The following CMTM8 variants were observed in gnomAD, a reference collection of about 807,000 sequenced individuals.
CMTM8 encodes CKLF like MARVEL transmembrane domain containing 8.
CMTM8 carries 12 observed loss-of-function variants against 18.6 expected under a neutral mutation model. That is an observed-to-expected ratio of 0.65 (90% CI 0.41 to 1.05). The LOEUF is 1.05. Among genes scored for constraint, CMTM8 ranks in the 50% least tolerant of loss-of-function variants. The pLI, the probability that CMTM8 is intolerant of heterozygous loss-of-function variation, is 0.00. For synonymous variants in CMTM8, 87 were observed against 90.6 expected, an observed-to-expected ratio of 0.96 and a Z score of 0.23; for missense variants, 217 against 227.2, an observed-to-expected ratio of 0.95 and a Z score of 0.29.
chr3:32,261,641 G>A (rs1025167024), intron 1 of CMTM8, among the ~76,000 whole-genome samples: 14 of 152,144 alleles, frequency 9.2e-5, no homozygotes, highest in Non-Finnish European at 1.3e-4. Context: ...GGGTTTTCAC[G>A]TTCATTGTCT....
At chr3:32,298,058 A>C (rs1374932354) in intron 1 of CMTM8, among the ~76,000 whole-genome samples, 1 of 144,270 alleles carries the variant, frequency 6.9e-6, no homozygotes, top group East Asian at 2.0e-4. Context: ...TTAACTAAAA[A>C]CTTTTTTTTT....
At chr3:32,327,040 C>T (rs551103484) in intron 1 of CMTM8, among the ~76,000 whole-genome samples, 26 of 152,114 alleles carry the variant, frequency 1.7e-4, no homozygotes, top group African/African-American at 6.0e-4. Flanking sequence ...TATACACTGG[C>T]CTTGTGCATG....
chr3:32,356,108 A>T (rs1696810187), intron 1 of CMTM8, among the ~76,000 whole-genome samples: 1 of 152,220 alleles, frequency 6.6e-6, no homozygotes. Context: ...TTGGGGCCTG[A>T]TAGCAGGAAG....
At chr3:32,249,272 T>A (rs1257272932) in intron 1 of CMTM8, among the ~76,000 whole-genome samples, 1 of 151,198 alleles carries the variant, frequency 6.6e-6, no homozygotes, top group Non-Finnish European at 1.5e-5. Context: ...CTACAAAAAA[T>A]AGAAAAAATT....
At chr3:32,338,103 C>T (rs1277970571) in intron 1 of CMTM8, among the ~76,000 whole-genome samples, 1 of 151,676 alleles carries the variant, frequency 6.6e-6, no homozygotes, top group African/African-American at 2.4e-5. Context: ...CCTGCCTTAG[C>T]CTCCTGAGTA....
chr3:32,296,135 A>AT lies in CMTM8; in HGVS notation c.147+57022dup, dbSNP rs200288669. Among the ~76,000 whole-genome samples, 418 of 147,334 alleles carry AT rather than the reference A, an allele frequency of 2.8e-3. 2 individuals are homozygous for AT. The highest frequency in any genetic ancestry group is 6.4e-3 in the African/African-American group (253 of 39,798). The stretch of plus-strand genomic sequence containing the variant: ...CAGGACTTCTTTGCTTCAGCCTTTT[A>AT]TTTTTTATTTTTTTTTAAATAAAGA... On this transcript the variant is annotated intron_variant, in intron 1 of 3. Transcript: ENST00000307526.
At chr3:32,361,286 G>GTTTTTTTTTTTTTTTTTTTTTT (rs58364646) in intron 2 of CMTM8, among the ~76,000 whole-genome samples, 2 of 87,222 alleles carry the variant, frequency 2.3e-5, no homozygotes, top group Admixed American at 1.2e-4. Flanking sequence ...CAGCCTAAGA[G>GTTTTTTTTTTTTTTTTTTTTTT]TTTTTTTTTC....
chr3:32,274,929 G>A (rs921978733), intron 1 of CMTM8, among the ~76,000 whole-genome samples: 1 of 152,204 alleles, frequency 6.6e-6, no homozygotes, highest in Non-Finnish European at 1.5e-5. Context: ...CTGAAGTGAT[G>A]TTTGTCCTTC....
chr3:32,310,571 A>G (rs1035951174), intron 1 of CMTM8, among the ~76,000 whole-genome samples: 1 of 152,198 alleles, frequency 6.6e-6, no homozygotes, highest in African/African-American at 2.4e-5. Context: ...GGAAGAAATC[A>G]TACTGCGAGG....
chr3:32,356,631 T>C (rs896160178), intron 1 of CMTM8, among the ~76,000 whole-genome samples: 6 of 152,178 alleles, frequency 3.9e-5, no homozygotes, highest in African/African-American at 1.4e-4. Context: ...CTGAAAGCTG[T>C]CTCAGACCAC....
intron 3 of CMTM8, 81 bp downstream of exon 3, chr3:32,368,069 G>A: frequency 1.1e-6 from 1 of 918,236 alleles, no homozygotes; most frequent in Non-Finnish European, 1.8e-6. Flanking sequence ...AGAGTCATCT[G>A]CAGGAAAAAG....
At chr3:32,341,697 C>T (rs975529662) in intron 1 of CMTM8, among the ~76,000 whole-genome samples, 12 of 143,514 alleles carry the variant, frequency 8.4e-5, no homozygotes, top group African/African-American at 2.9e-4. Flanking sequence ...GCCAACATGG[C>T]GAAACCCCCT....
chr3:32,304,341 CCTCT>C (rs1299835162), intron 1 of CMTM8, among the ~76,000 whole-genome samples: 3 of 152,112 alleles, frequency 2.0e-5, no homozygotes. Context: ...ACAGCCTTGG[CCTCT>C]CTGATTGTAA....
At chr3:32,330,817 T>A (rs1696261383) in intron 1 of CMTM8, among the ~76,000 whole-genome samples, 1 of 152,200 alleles carries the variant, frequency 6.6e-6, no homozygotes, top group Non-Finnish European at 1.5e-5. Flanking sequence ...AATCCTTACC[T>A]GACACCATGT....
intron 1 of CMTM8, among the ~76,000 whole-genome samples, chr3:32,323,516 C>T (rs1696100367): frequency 6.6e-6 from 1 of 152,138 alleles, no homozygotes; most frequent in African/African-American, 2.4e-5. Flanking sequence ...ACTTTTACCC[C>T]CAATAGTCTT....
chr3:32,243,829 C>T (rs1424792687), intron 1 of CMTM8: 1 of 153,382 alleles, frequency 6.5e-6, no homozygotes, highest in Non-Finnish European at 1.5e-5. Context: ...TAGCAAAATA[C>T]CCTGGATTAC....
intron 1 of CMTM8, among the ~76,000 whole-genome samples, chr3:32,272,053 C>G (rs192481124): frequency 1.3e-5 from 2 of 152,284 alleles, no homozygotes; most frequent in East Asian, 1.9e-4. Context: ...GTCAGGAAAT[C>G]TTTTTCTTCC....
intron 2 of CMTM8, among the ~76,000 whole-genome samples, chr3:32,364,419 G>C (rs1053172503): frequency 6.6e-6 from 1 of 152,104 alleles, no homozygotes; most frequent in Admixed American, 6.5e-5. Flanking sequence ...CACGAGAATC[G>C]CTTGAACCTG....
At chr3:32,329,292 C>T (rs112653299) in intron 1 of CMTM8, among the ~76,000 whole-genome samples, 11,791 of 152,222 alleles carry the variant, frequency 0.077, 511 homozygotes, top group Middle Eastern at 0.12. Flanking sequence ...TCTTGAACTC[C>T]TGACCTCAAG....
Sources: allele counts gnomAD v4.1 joint callset (sites outside exome capture counted in the v4.1 genomes callset), GRCh38; gene constraint gnomAD v4.1.1; transcripts MANE v1.5; gene names NCBI Gene and HGNC (gene_info 2026-07-23, HGNC 2026-07-21).